HDGFL3: variants seen among roughly 807,000 people sequenced by gnomAD.
The protein encoded by HDGFL3 is HDGF like 3.
Under a neutral mutation model 27.6 loss-of-function variants are expected in HDGFL3, and 6 were observed. The observed-to-expected ratio is 0.22, with a 90% CI of 0.12 to 0.43. The LOEUF (loss-of-function observed/expected upper bound fraction) is 0.43. Ranked by LOEUF, HDGFL3 falls within the 20% of genes least tolerant of loss-of-function variation. The pLI is 1.00. For synonymous variants in HDGFL3, 88 were observed against 88.9 expected, an observed-to-expected ratio of 0.99 and a Z score of 0.05; for missense variants, 207 against 250.1, an observed-to-expected ratio of 0.83 and a Z score of 1.16.
At chr15:83,205,195 T>G (rs1435213411) in intron 1 of HDGFL3, among the ~76,000 whole-genome samples, 1 of 152,192 alleles carries the variant, frequency 6.6e-6, no homozygotes, top group East Asian at 1.9e-4. Context: ...GAATAATGCC[T>G]CATAGAATTG....
rs574382837 is a variant in HDGFL3, at chr15:83,170,370, C to T, written c.85-6295G>A. On this transcript the variant is annotated intron_variant, in intron 1 of 5. Transcript: ENST00000299633. ...AGCATGGTACTGGTACAAAAACAGA[C>T]ACATAGACCAATAGAATAGAAAAGA... Among the ~76,000 whole-genome samples, 95 of 152,222 alleles carry T rather than the reference C, an allele frequency of 6.2e-4. No homozygotes were observed. In the Middle Eastern group the frequency reaches 0.01, roughly 16 times the overall value.
chr15:83,127,131 T>C (rs140128272), downstream of HDGFL3, among the ~76,000 whole-genome samples: 1,054 of 151,362 alleles, frequency 7.0e-3, 20 homozygotes, highest in African/African-American at 0.025. Context: ...GAGGTGGAGG[T>C]TGCAGTGAGC....
downstream of HDGFL3, chr15:83,127,532 G>C: frequency 3.8e-6 from 6 of 1,596,196 alleles, no homozygotes; most frequent in Non-Finnish European, 5.1e-6. Flanking sequence ...GTCAATTGTT[G>C]AATATATGAA....
At chr15:83,120,062 C>A in intron 3 of HDGFL3, 1 of 213,498 alleles carries the variant, frequency 4.7e-6, no homozygotes, top group Non-Finnish European at 9.6e-6. Context: ...AGGCACAGCT[C>A]TGCGGCTTGG....
In HDGFL3 at chr15:83,139,186, T is replaced by C; in HGVS notation, c.*84A>G. ...AATGACAACAAGGACTATGTGTTGG[T>C]TCATATCAAATCCAAGAATATTAGA... is the stretch of plus-strand genomic sequence containing the variant. On this transcript the variant is annotated 3_prime_UTR_variant, in exon 6 of 6. Coordinates refer to ENST00000299633, the MANE Select transcript of HDGFL3 (RefSeq NM_016073.4). 1 of 906,048 alleles carries C rather than the reference T, an allele frequency of 1.1e-6. No homozygotes were observed. Among genetic ancestry groups the C allele is most frequent in the South Asian group, 3.1e-5 (1 of 31,862 alleles). 56.1% of individuals were successfully genotyped at this position (906,048 alleles called of 1,614,324 possible).
At chr15:83,161,410 C>T (rs150112882) in intron 2 of HDGFL3, among the ~76,000 whole-genome samples, 1 of 152,294 alleles carries the variant, frequency 6.6e-6, no homozygotes, top group Admixed American at 6.5e-5. Flanking sequence ...ATCCTCCAGC[C>T]TTGGCCTCCC....
intron 1 of HDGFL3, among the ~76,000 whole-genome samples, chr15:83,178,809 C>T (rs913031074): frequency 1.1e-4 from 17 of 152,276 alleles, no homozygotes; most frequent in South Asian, 4.1e-4. Context: ...TATGCTCCTA[C>T]GTTAAATCAG....
At chr15:83,176,742 G>A (rs34256265) in intron 1 of HDGFL3, among the ~76,000 whole-genome samples, 10,621 of 152,042 alleles carry the variant, frequency 0.07, 489 homozygotes, top group Middle Eastern at 0.17. Flanking sequence ...TGTGGTTCCT[G>A]CGGATGGGTT....
chr15:83,172,528 T>C (rs371382438), intron 1 of HDGFL3, among the ~76,000 whole-genome samples: 1 of 152,028 alleles, frequency 6.6e-6, no homozygotes, highest in Non-Finnish European at 1.5e-5. Context: ...TAAAGTAAGC[T>C]AGAGAGTAAA....
intron 1 of HDGFL3, among the ~76,000 whole-genome samples, chr15:83,200,549 T>C (rs2037632383): frequency 6.6e-6 from 1 of 152,216 alleles, no homozygotes; most frequent in African/African-American, 2.4e-5. Flanking sequence ...AGCTTTGTGT[T>C]CTTGGGAGAT....
intron 1 of HDGFL3, among the ~76,000 whole-genome samples, chr15:83,165,899 A>G (rs1209775512): frequency 8.6e-5 from 13 of 151,946 alleles, no homozygotes; most frequent in Non-Finnish European, 1.8e-4. Flanking sequence ...GCAGACAAAA[A>G]TAAAGGAAAA....
Position 83,165,869 on chromosome 15 carries a change from G to A in HDGFL3, c.85-1794C>T, listed in dbSNP as rs189494447. On this transcript the variant is annotated intron_variant, in intron 1 of 5. Coordinates refer to ENST00000299633, the MANE Select transcript of HDGFL3 (RefSeq NM_016073.4). The stretch of plus-strand genomic sequence containing the variant: ...GGAAGAATTCCAGAGCTTGAAGACC[G>A]GTCTTTTGAACTAGTCCAGGCAGAC... 2.2e-4 allele frequency among the ~76,000 whole-genome samples: 33 copies of A among 150,184 alleles called. 1 individual carries two copies. Among genetic ancestry groups the A allele is most frequent in the South Asian group, 1.7e-3 (8 of 4,724 alleles).
intron 4 of HDGFL3, among the ~76,000 whole-genome samples, chr15:83,152,455 C>T (rs2036975538): frequency 6.6e-6 from 1 of 152,100 alleles, no homozygotes; most frequent in Non-Finnish European, 1.5e-5. Context: ...AATCTCAGCA[C>T]TTTGGGAGGC....
chr15:83,176,570 A>T (rs1320410672), intron 1 of HDGFL3, among the ~76,000 whole-genome samples: 1 of 152,150 alleles, frequency 6.6e-6, no homozygotes, highest in Non-Finnish European at 1.5e-5. Context: ...ACTTATTATC[A>T]GAGTTTCATC....
At chr15:83,170,372 C>T (rs2037230922) in intron 1 of HDGFL3, among the ~76,000 whole-genome samples, 1 of 152,136 alleles carries the variant, frequency 6.6e-6, no homozygotes, top group Non-Finnish European at 1.5e-5. Flanking sequence ...AAAACAGACA[C>T]ATAGACCAAT....
chr15:83,178,877 G>A (rs898278228), intron 1 of HDGFL3, among the ~76,000 whole-genome samples: 6 of 152,106 alleles, frequency 3.9e-5, no homozygotes, highest in East Asian at 1.9e-4. Flanking sequence ...TATTCACTGC[G>A]AAATGGATCA....
In HDGFL3 at chr15:83,117,191, GGA is replaced by G. The variant is rs1406450454; in HGVS notation, c.394-1452_394-1451del. Among the ~76,000 whole-genome samples the G allele has an allele frequency of 2.0e-5, 3 of 152,180 alleles. No individual in the cohort carries two copies. The East Asian group carries it at 5.8e-4, about 29-fold the overall frequency. On this transcript the variant is annotated intron_variant, in intron 3 of 3. Transcript: ENST00000568294. Reference sequence around the variant, plus strand: ...GGACCAGGGAGGTAGGGGGAATTCCGGAGAGAAGGGACAGCTTGGGCAAAGGC... The same window carrying G: ...GGACCAGGGAGGTAGGGGGAATTCCGGAGAAGGGACAGCTTGGGCAAAGGC...
At chr15:83,126,918 T>C, downstream of HDGFL3, 1 of 1,263,874 alleles carries the variant, frequency 7.9e-7, no homozygotes. Context: ...CCCAGCTGGG[T>C]GCGGTGGCTC....
At chr15:83,183,594 C>T (rs1012665486) in intron 1 of HDGFL3, among the ~76,000 whole-genome samples, 1 of 151,960 alleles carries the variant, frequency 6.6e-6, no homozygotes, top group African/African-American at 2.4e-5. Flanking sequence ...AACCTCATCT[C>T]CACTAAAAAT....
Sources: gnomAD v4.1 joint callset for allele counts (sites outside exome capture counted in the v4.1 genomes callset) on GRCh38, gnomAD v4.1.1 for gene constraint, MANE v1.5 for transcripts, NCBI Gene and HGNC (gene_info 2026-07-23, HGNC 2026-07-21) for gene names.